Variants in CADPS observed in about 807,000 individuals in gnomAD.
CADPS encodes calcium-dependent secretion activator 1.
CADPS carries 57 observed loss-of-function variants against 167.3 expected under a neutral mutation model. The ratio of observed to expected loss-of-function variants is 0.34; its 90% CI spans 0.28 to 0.42. The LOEUF is 0.42. Ranked by LOEUF, CADPS falls within the 20% of genes least tolerant of loss-of-function variation. The probability of loss-of-function intolerance (pLI) is 1.00; values close to 1 mark genes in which losing one functional copy is unlikely to be tolerated. For missense variants in CADPS, 1,414 were observed against 1,738.1 expected (o/e 0.81, Z 3.32); for synonymous variants, 676 against 635.3 (o/e 1.06, Z -0.96).
intron 18 of CADPS, among the ~76,000 whole-genome samples, chr3:62,498,864 T>A (rs1219817033): frequency 8.3e-6 from 1 of 120,936 alleles, no homozygotes; most frequent in Non-Finnish European, 2.0e-5. Context: ...TTTTGTGTTC[T>A]GGACAATGGT....
chr3:62,768,140 A>G (rs970878220), intron 1 of CADPS, among the ~76,000 whole-genome samples: 6 of 152,222 alleles, frequency 3.9e-5, no homozygotes, highest in Non-Finnish European at 7.3e-5. Flanking sequence ...AGAGAAAATC[A>G]CAGTTATTTT....
chr3:62,741,222 T>C (rs1416144906), intron 3 of CADPS, among the ~76,000 whole-genome samples: 1 of 152,180 alleles, frequency 6.6e-6, no homozygotes, highest in Non-Finnish European at 1.5e-5. Context: ...CCATTTCTAC[T>C]GAAACTATTC....
chr3:62,867,930 G>A (rs1405755256), intron 1 of CADPS, among the ~76,000 whole-genome samples: 4 of 152,016 alleles, frequency 2.6e-5, no homozygotes, highest in Non-Finnish European at 5.9e-5. Context: ...ATCACAGAGC[G>A]AGATAAGGGT....
At chr3:62,675,167 A>G (rs1333227112) in intron 3 of CADPS, among the ~76,000 whole-genome samples, 2 of 152,126 alleles carry the variant, frequency 1.3e-5, no homozygotes, top group Non-Finnish European at 2.9e-5. Context: ...TGTAGCTTTC[A>G]GGCTCAGTGT....
intron 5 of CADPS, among the ~76,000 whole-genome samples, chr3:62,646,946 A>G (rs2068728713): frequency 1.3e-5 from 2 of 152,198 alleles, no homozygotes; most frequent in Admixed American, 6.5e-5. Flanking sequence ...CGGTGTCATG[A>G]TGGATCAAGA....
chr3:62,652,470 T>C (rs1298756644), intron 4 of CADPS, among the ~76,000 whole-genome samples: 1 of 151,786 alleles, frequency 6.6e-6, no homozygotes, highest in East Asian at 1.9e-4. Context: ...AACCAACTAA[T>C]TTTATTAGTG....
chr3:62,406,387 A>G (rs1201387402), intron 28 of CADPS, among the ~76,000 whole-genome samples: 1 of 152,170 alleles, frequency 6.6e-6, no homozygotes, highest in Non-Finnish European at 1.5e-5. Flanking sequence ...GATGGATGGG[A>G]ATGCAGCAGA....
chr3:62,745,070 G>A (rs1293176095), intron 3 of CADPS, among the ~76,000 whole-genome samples: 1 of 147,370 alleles, frequency 6.8e-6, no homozygotes, highest in African/African-American at 2.6e-5. Flanking sequence ...TAGTAACTGA[G>A]TATATGCATC....
intron 1 of CADPS, among the ~76,000 whole-genome samples, chr3:62,799,876 C>T (rs2093662558): frequency 6.6e-6 from 1 of 152,080 alleles, no homozygotes; most frequent in African/African-American, 2.4e-5. Flanking sequence ...TCTTGGCTGT[C>T]CTTTCAAGGA....
intron 29 of CADPS, among the ~76,000 whole-genome samples, chr3:62,402,668 T>C (rs1706807043): frequency 6.6e-6 from 1 of 152,250 alleles, no homozygotes; most frequent in Non-Finnish European, 1.5e-5. Flanking sequence ...ACAGGACATA[T>C]TTAGAAATAG....
At chr3:62,757,724 A>G (rs565700105) in intron 2 of CADPS, among the ~76,000 whole-genome samples, 10 of 152,298 alleles carry the variant, frequency 6.6e-5, no homozygotes, top group Admixed American at 5.9e-4. Flanking sequence ...CAGCTAATAA[A>G]GACATACCCA....
intron 6 of CADPS, among the ~76,000 whole-genome samples, chr3:62,600,427 A>G (rs539931275): frequency 2.0e-5 from 3 of 152,290 alleles, no homozygotes; most frequent in East Asian, 3.9e-4. Flanking sequence ...TCACCCATAG[A>G]GGCACCTCCA....
At chr3:62,685,932 G>T (rs1027102088) in intron 3 of CADPS, among the ~76,000 whole-genome samples, 2 of 152,024 alleles carry the variant, frequency 1.3e-5, no homozygotes, top group African/African-American at 4.8e-5. Context: ...TAGCACTATA[G>T]GATGGCTATA....
chr3:62,491,908 T>C (rs987956275), intron 20 of CADPS, among the ~76,000 whole-genome samples: 1 of 152,214 alleles, frequency 6.6e-6, no homozygotes, highest in African/African-American at 2.4e-5. Flanking sequence ...GTTGTCACTA[T>C]AACATACTCT....
At chr3:62,638,767 CCT>C (rs770134520) in intron 6 of CADPS, among the ~76,000 whole-genome samples, 166 of 152,254 alleles carry the variant, frequency 1.1e-3, no homozygotes, top group Non-Finnish European at 1.3e-3. Context: ...ATTCCTGAAA[CCT>C]CTGTCTTAAG....
intron 11 of CADPS, among the ~76,000 whole-genome samples, chr3:62,547,586 G>A (rs1042944838): frequency 1.3e-4 from 4 of 31,432 alleles, no homozygotes; most frequent in Non-Finnish European, 2.4e-4. Context: ...TATCATTTAC[G>A]CCCCCCCCCC....
chr3:62,699,179 A>G (rs759217405), intron 3 of CADPS, among the ~76,000 whole-genome samples: 59 of 151,894 alleles, frequency 3.9e-4, no homozygotes, highest in Non-Finnish European at 2.5e-4. Context: ...GCATCCTCAT[A>G]GCTTAGCTTC....
intron 3 of CADPS, among the ~76,000 whole-genome samples, chr3:62,668,498 T>C (rs578162382): frequency 6.6e-6 from 1 of 152,294 alleles, no homozygotes; most frequent in South Asian, 2.1e-4. Context: ...CTCTTCCTTA[T>C]CTCTCCCTTG....
chr3:62,649,540 G>C (rs1030648172), intron 5 of CADPS, among the ~76,000 whole-genome samples: 4 of 94,438 alleles, frequency 4.2e-5, no homozygotes, highest in African/African-American at 1.6e-4. Context: ...TACAATATGT[G>C]GTCTTTTTTT....
Sources: gnomAD v4.1 joint callset for allele counts (sites outside exome capture counted in the v4.1 genomes callset) on GRCh38, gnomAD v4.1.1 for gene constraint, MANE v1.5 for transcripts, NCBI Gene and HGNC (gene_info 2026-07-23, HGNC 2026-07-21) for gene names.